The following IRAK1BP1 variants were observed in gnomAD, a reference collection of about 807,000 sequenced individuals.
IRAK1BP1 encodes the protein interleukin-1 receptor-associated kinase 1-binding protein 1.
Under a neutral mutation model 28.0 loss-of-function variants are expected in IRAK1BP1, and 24 were observed. The ratio of observed to expected loss-of-function variants is 0.86; its 90% CI spans 0.62 to 1.20. IRAK1BP1 has a LOEUF of 1.20. Among genes scored for constraint, IRAK1BP1 ranks in the 50% most tolerant of loss-of-function variants. The pLI, the probability that IRAK1BP1 is intolerant of heterozygous loss-of-function variation, is 0.00. For missense variants in IRAK1BP1, 336 were observed against 316.7 expected (o/e 1.06, Z -0.46); for synonymous variants, 131 against 116.3 (o/e 1.13, Z -0.81).
At chr6:78,976,217 G>A in the IRAK1BP1 span, among the ~76,000 whole-genome samples, 2 of 148,318 alleles carry the variant, frequency 1.3e-5, no homozygotes, top group Admixed American at 6.7e-5. Flanking sequence ...CAGAAATAAC[G>A]CCGCATATCT....
chr6:78,910,640 G>A (rs1402834295), intron 4 of IRAK1BP1, among the ~76,000 whole-genome samples: 1 of 152,244 alleles, frequency 6.6e-6, no homozygotes, highest in African/African-American at 2.4e-5. Context: ...TTCTCGGCGC[G>A]GAGGGCGGAG....
chr6:78,921,112 C>T (rs779615494), intron 4 of IRAK1BP1, among the ~76,000 whole-genome samples: 3 of 152,126 alleles, frequency 2.0e-5, no homozygotes, highest in East Asian at 3.9e-4. Flanking sequence ...GAACATGAGC[C>T]GAGCAGGGCG....
intron 2 of IRAK1BP1, among the ~76,000 whole-genome samples, chr6:78,887,216 G>A (rs1227501865): frequency 6.6e-6 from 1 of 152,108 alleles, no homozygotes; most frequent in Non-Finnish European, 1.5e-5. Flanking sequence ...TTTTAAAAAT[G>A]AACGAAGGAC....
At chr6:78,953,200 ATTCTTTG>A in the IRAK1BP1 span, among the ~76,000 whole-genome samples, 2 of 152,150 alleles carry the variant, frequency 1.3e-5, no homozygotes, top group Non-Finnish European at 2.9e-5. Flanking sequence ...TGGGGGAAAC[ATTCTTTG>A]TTGTGAAAGG....
chr6:78,978,785 A>T, the IRAK1BP1 span: 4 of 1,170,172 alleles, frequency 3.4e-6, no homozygotes, highest in Non-Finnish European at 4.9e-6. Flanking sequence ...TCTTTAAAAT[A>T]ACTATAAAGA....
At chr6:78,974,744 C>T in the IRAK1BP1 span, among the ~76,000 whole-genome samples, 1 of 152,072 alleles carries the variant, frequency 6.6e-6, no homozygotes, top group African/African-American at 2.4e-5. Flanking sequence ...ACTACAAACA[C>T]TTCTACGCAA....
At chr6:78,871,365 T>C (rs1352902806) in intron 1 of IRAK1BP1, 7 of 985,202 alleles carry the variant, frequency 7.1e-6, no homozygotes, top group Non-Finnish European at 7.2e-6. Context: ...CTTTAACCCA[T>C]TGCAGTATGA....
intron 2 of IRAK1BP1, among the ~76,000 whole-genome samples, chr6:78,885,705 T>G (rs1322632726): frequency 1.3e-5 from 2 of 152,154 alleles, no homozygotes; most frequent in Admixed American, 1.3e-4. Context: ...TGTCATCACC[T>G]AATGTGCGGG....
chr6:78,955,658 A>G, the IRAK1BP1 span: 6 of 1,086,804 alleles, frequency 5.5e-6, no homozygotes, highest in African/African-American at 7.8e-5. Flanking sequence ...TATAAAGTGG[A>G]ATTATGTTAT....
the IRAK1BP1 span, among the ~76,000 whole-genome samples, chr6:78,972,778 G>T: frequency 6.6e-5 from 10 of 152,258 alleles, no homozygotes; most frequent in East Asian, 1.2e-3. Flanking sequence ...AAGGGTATCA[G>T]CAATGGAAGA....
At chr6:78,871,982 A>T in intron 1 of IRAK1BP1, 1 of 529,142 alleles carries the variant, frequency 1.9e-6, no homozygotes, top group Non-Finnish European at 3.3e-6. Context: ...CACTCTCTGC[A>T]AATGGGGCCA....
At chr6:78,972,954 C>T in the IRAK1BP1 span, among the ~76,000 whole-genome samples, 1 of 150,582 alleles carries the variant, frequency 6.6e-6, no homozygotes. Flanking sequence ...GAAAACACTG[C>T]AGGATATTAT....
chr6:78,951,465 C>T, the IRAK1BP1 span, among the ~76,000 whole-genome samples: 2 of 152,118 alleles, frequency 1.3e-5, no homozygotes, highest in Non-Finnish European at 2.9e-5. Context: ...ATATGAAGTG[C>T]ATGATCTGCC....
intron 4 of IRAK1BP1, chr6:78,935,553 C>T (rs1245737096): frequency 3.1e-6 from 3 of 962,300 alleles, no homozygotes; most frequent in Non-Finnish European, 3.7e-6. Flanking sequence ...ATTTATCACT[C>T]ATCACAGTAA....
the IRAK1BP1 span, among the ~76,000 whole-genome samples, chr6:78,954,659 T>C: frequency 1.3e-5 from 2 of 152,152 alleles, no homozygotes; most frequent in East Asian, 1.9e-4. Context: ...TATTCAAAAT[T>C]TGGATTCTCT....
intron 4 of IRAK1BP1, among the ~76,000 whole-genome samples, chr6:78,911,893 G>A (rs1582037594): frequency 6.6e-6 from 1 of 152,234 alleles, no homozygotes; most frequent in African/African-American, 2.4e-5. Flanking sequence ...CACCCTTATT[G>A]TTGTTGTTGG....
intron 1 of IRAK1BP1, chr6:78,871,448 A>G (rs1227498685): frequency 1.0e-6 from 1 of 985,524 alleles, no homozygotes; most frequent in African/African-American, 1.7e-5. Context: ...TTTGCTTCAC[A>G]ACAGACCACC....
intron 4 of IRAK1BP1, among the ~76,000 whole-genome samples, chr6:78,929,614 T>C (rs1772987486): frequency 6.6e-6 from 1 of 152,194 alleles, no homozygotes; most frequent in Admixed American, 6.5e-5. Flanking sequence ...ATAGGATCAA[T>C]TGTATCCCAA....
chr6:78,952,429 A>AAAAAAAAAAAAG, the IRAK1BP1 span, among the ~76,000 whole-genome samples: 2 of 132,788 alleles, frequency 1.5e-5, no homozygotes, highest in Non-Finnish European at 3.3e-5. Flanking sequence ...AAAAAAAAAG[A>AAAAAAAAAAAAG]AAAAAAAAAA....
Sources: gnomAD v4.1 joint callset for allele counts (sites outside exome capture counted in the v4.1 genomes callset) on GRCh38, gnomAD v4.1.1 for gene constraint, MANE v1.5 for transcripts, NCBI Gene and HGNC (gene_info 2026-07-23, HGNC 2026-07-21) for gene names.